Variants in DAB2IP observed in about 807,000 individuals in gnomAD.
The protein encoded by DAB2IP is DAB2 interacting protein.
In DAB2IP, 28 loss-of-function variants were observed where a neutral mutation model predicts 107.2. That is an observed-to-expected ratio of 0.26 (90% confidence interval 0.19 to 0.36). The LOEUF (loss-of-function observed/expected upper bound fraction) is 0.36, where lower values mean the gene tolerates loss of function less well. Ranked by LOEUF, DAB2IP falls within the 10% of genes least tolerant of loss-of-function variation. DAB2IP has a pLI of 1.00. For missense variants in DAB2IP, 1,400 were observed against 1,644.7 expected (o/e 0.85, Z 2.57); for synonymous variants, 755 against 706.4 (o/e 1.07, Z -1.09).
At chr9:121,706,827 T>C (rs1199148266) in intron 3 of DAB2IP, among the ~76,000 whole-genome samples, 1 of 152,218 alleles carries the variant, frequency 6.6e-6, no homozygotes, top group Non-Finnish European at 1.5e-5. Flanking sequence ...CATGCACACA[T>C]GCACGTCCTT....
exon 6 of DAB2IP, chr9:121,759,986 T>C (rs1833775884): frequency 1.2e-6 from 2 of 1,614,092 alleles, no homozygotes; most frequent in African/African-American, 1.3e-5. Context: ...GCCTGGACGA[T>C]GTGCTCTATG....
chr9:121,574,285 G>A (rs1213435932), intron 1 of DAB2IP, among the ~76,000 whole-genome samples: 2 of 152,104 alleles, frequency 1.3e-5, no homozygotes, highest in Admixed American at 6.5e-5. Context: ...GCAGGTGCCA[G>A]CCAAAGACCT....
intron 9 of DAB2IP, among the ~76,000 whole-genome samples, chr9:121,767,625 T>C (rs1466991354): frequency 2.0e-5 from 3 of 152,208 alleles, no homozygotes; most frequent in Non-Finnish European, 4.4e-5. Flanking sequence ...GACAGGGCTG[T>C]GGGAGCCACC....
chr9:121,622,698 T>A (rs2118998066), intron 1 of DAB2IP, among the ~76,000 whole-genome samples: 1 of 152,268 alleles, frequency 6.6e-6, no homozygotes, highest in East Asian at 1.9e-4. Flanking sequence ...CACAAACTAA[T>A]AATTAACAGA....
intron 2 of DAB2IP, among the ~76,000 whole-genome samples, chr9:121,688,213 G>A (rs537519761): frequency 6.6e-6 from 1 of 152,332 alleles, no homozygotes; most frequent in East Asian, 1.9e-4. Flanking sequence ...CGATCAAGTG[G>A]TATTTTGGTG....
At chr9:121,758,503 CG>C (rs1179041864) in intron 4 of DAB2IP, among the ~76,000 whole-genome samples, 1 of 152,158 alleles carries the variant, frequency 6.6e-6, no homozygotes, top group Non-Finnish European at 1.5e-5. Context: ...CTTGTGGTTC[CG>C]CCTTTAGGGA....
At chr9:121,580,126 G>T (rs1012247496) in intron 1 of DAB2IP, among the ~76,000 whole-genome samples, 2 of 152,182 alleles carry the variant, frequency 1.3e-5, no homozygotes, top group African/African-American at 4.8e-5. Context: ...ACTCTAAGGG[G>T]CAGCTGCTGG....
At chr9:121,686,185 A>G (rs980311657) in intron 2 of DAB2IP, among the ~76,000 whole-genome samples, 10 of 151,850 alleles carry the variant, frequency 6.6e-5, no homozygotes, top group African/African-American at 2.4e-4. Flanking sequence ...GCCTGTTCCA[A>G]CCCCCCCAAC....
chr9:121,640,271 T>G (rs1380516278), intron 1 of DAB2IP, among the ~76,000 whole-genome samples: 1 of 151,892 alleles, frequency 6.6e-6, no homozygotes, highest in Non-Finnish European at 1.5e-5. Flanking sequence ...GGCTGGGTAG[T>G]GCGGATCTAG....
rs1564223530 is a variant in DAB2IP, at chr9:121,772,558, C to T, written c.2079-49C>T. ...TTTGGACCCGCCTTGGCTGCACTCACAGTTCTTCTTTTCCCCTTCTTTCCC... is the reference window on the plus strand; with the variant it reads ...TTTGGACCCGCCTTGGCTGCACTCATAGTTCTTCTTTTCCCCTTCTTTCCC... On this transcript the variant is annotated intron_variant, in intron 11 of 15. Transcript: ENST00000408936. This position sits in a 1 kb window ranked among gnomAD's most constrained non-coding sequence, Gnocchi z 4.7. 4.5e-6 allele frequency: 7 copies of T among 1,566,630 alleles called. No individual in the cohort carries two copies. Among genetic ancestry groups the T allele is most frequent in the Non-Finnish European group, 6.1e-6 (7 of 1,153,258 alleles).
chr9:121,713,145 G>A (rs1830418618), intron 3 of DAB2IP, among the ~76,000 whole-genome samples: 1 of 152,142 alleles, frequency 6.6e-6, no homozygotes, highest in South Asian at 2.1e-4. Context: ...CCATTTTATA[G>A]ATAAGGTAAC....
At chr9:121,766,189 G>A (rs1434004837) in intron 8 of DAB2IP, among the ~76,000 whole-genome samples, 3 of 152,182 alleles carry the variant, frequency 2.0e-5, no homozygotes, top group Admixed American at 6.5e-5. Context: ...AGTTAATTCC[G>A]GTTAGGACGG....
chr9:121,591,385 C>T (rs947416630), intron 1 of DAB2IP, among the ~76,000 whole-genome samples: 1 of 152,196 alleles, frequency 6.6e-6, no homozygotes, highest in African/African-American at 2.4e-5. Flanking sequence ...ACAAGAATCG[C>T]TTGAAGCCAG....
intron 1 of DAB2IP, among the ~76,000 whole-genome samples, chr9:121,583,690 G>A (rs1034899145): frequency 6.6e-6 from 1 of 152,136 alleles, no homozygotes; most frequent in Non-Finnish European, 1.5e-5. Context: ...TTAGCTGCCC[G>A]CATAGCACTT....
Position 121,590,843 on chromosome 9 carries a change from C to T in DAB2IP, c.40+23615C>T, listed in dbSNP as rs60172268. Among the ~76,000 whole-genome samples the T allele has an allele frequency of 1.1e-3, 164 of 152,282 alleles. 5 individuals are homozygous for T. The East Asian group carries it at 0.027, about 25-fold the overall frequency. On this transcript the variant is annotated intron_variant, in intron 1 of 16. Coordinates refer to the DAB2IP transcript ENST00000259371. The stretch of plus-strand genomic sequence containing the variant: ...AACAATGAAGAAAACCAGGCATGAT[C>T]CCTGTGTTTAGGGATGCCCAGCCCG...
chr9:121,689,729 A>G (rs530195299), intron 2 of DAB2IP, among the ~76,000 whole-genome samples: 6 of 152,226 alleles, frequency 3.9e-5, no homozygotes, highest in Admixed American at 2.0e-4. Flanking sequence ...AAGTCCCACC[A>G]TTAGTGCCCA....
At chr9:121,737,178 T>G (rs770190528) in intron 3 of DAB2IP, 23 of 985,070 alleles carry the variant, frequency 2.3e-5, no homozygotes, top group African/African-American at 3.5e-5. Context: ...CCCAGACCTC[T>G]GTGCTCTGGC....
At chr9:121,707,825 G>T (rs1467542309) in intron 3 of DAB2IP, among the ~76,000 whole-genome samples, 2 of 152,184 alleles carry the variant, frequency 1.3e-5, no homozygotes, top group Admixed American at 1.3e-4. Context: ...ACTGTTTCTG[G>T]CTTGGGAGGA....
At chr9:121,612,157 A>G (rs1831117461) in intron 1 of DAB2IP, among the ~76,000 whole-genome samples, 1 of 148,000 alleles carries the variant, frequency 6.8e-6, no homozygotes, top group African/African-American at 2.5e-5. Context: ...TGTCTCTACA[A>G]AAAAAAAAAA....
Sources: allele counts gnomAD v4.1 joint callset (sites outside exome capture counted in the v4.1 genomes callset), GRCh38; gene constraint gnomAD v4.1.1; non-coding constraint Gnocchi (gnomAD v3.1); transcripts MANE v1.5; gene names NCBI Gene and HGNC (gene_info 2026-07-23, HGNC 2026-07-21).